The following SUPT5H variants were observed in gnomAD, a reference collection of about 807,000 sequenced individuals.
SUPT5H encodes transcription elongation factor SPT5.
A neutral mutation model predicts 142.5 loss-of-function variants in SUPT5H; 24 were observed. The ratio of observed to expected loss-of-function variants is 0.17; its 90% CI spans 0.12 to 0.24. The LOEUF is 0.24. Among genes scored for constraint, SUPT5H ranks in the 10% least tolerant of loss-of-function variants. The pLI is 1.00. For synonymous variants in SUPT5H, 546 were observed against 553.0 expected (o/e 0.99, Z 0.18); for missense variants, 893 against 1,471.8 (o/e 0.61, Z 6.43).
At chr19:39,465,266 C>T (rs143568622) in intron 11 of SUPT5H, among the ~76,000 whole-genome samples, 9 of 152,280 alleles carry the variant, frequency 5.9e-5, no homozygotes, top group African/African-American at 2.2e-4. Context: ...GATCGGAGGG[C>T]GTGAGGCATG....
intron 10 of SUPT5H, among the ~76,000 whole-genome samples, chr19:39,463,045 A>G (rs1228295389): frequency 1.6e-5 from 2 of 128,646 alleles, no homozygotes; most frequent in African/African-American, 3.0e-5. Flanking sequence ...TTTAGTAGAG[A>G]TGGGGTTTCA....
rs1254471659 is a variant in SUPT5H, at chr19:39,473,254, G to C, written c.2310G>C (p.Met770Ile). 1 of 1,613,732 alleles carries C rather than the reference G, an allele frequency of 6.2e-7. No homozygotes were observed. The highest frequency in any genetic ancestry group is 1.7e-5 in the Admixed American group (1 of 60,020). ...GMTSTYGRTP[M>I]YGSQTPMYGS... ...CCTCGACCTATGGGAGGACGCCCAT[G>C]TATGGCTCCCAGACGCCCATGTATG... Residue 770 changes from methionine to isoleucine, a missense_variant, in exon 24 of 30, where the codon ATG becomes ATC. Physicochemically the swap from Met to Ile is conservative, Grantham distance 10. Coordinates refer to ENST00000432763, the MANE Select transcript of SUPT5H (RefSeq NM_001111020.3). The surrounding 1 kb of genome is among the most constrained non-coding windows in gnomAD (Gnocchi z 5.8).
intron 11 of SUPT5H, among the ~76,000 whole-genome samples, chr19:39,465,814 TGGTGGGATAGGACC>T (rs1204597788): frequency 1.3e-5 from 2 of 152,226 alleles, no homozygotes; most frequent in Non-Finnish European, 2.9e-5. Context: ...ATGGCAGTGC[TGGTGGGATAGGACC>T]AAGACCCTAA....
chr19:39,459,824 C>G, intron 9 of SUPT5H, 68 bp from the exon 10 acceptor site: 1 of 1,547,296 alleles, frequency 6.5e-7, no homozygotes, highest in African/African-American at 1.4e-5. Flanking sequence ...GCTGCTGTCT[C>G]CTTCCCCCTT....
intron 3 of SUPT5H, among the ~76,000 whole-genome samples, chr19:39,455,627 C>CT (rs113696535): frequency 0.18 from 25,383 of 143,222 alleles, 2,319 homozygotes; most frequent in East Asian, 0.37. Flanking sequence ...TTCTTTTCTT[C>CT]TTTTTTTTTT....
chr19:39,461,926 A>G (rs1046044732), intron 10 of SUPT5H, among the ~76,000 whole-genome samples: 1 of 151,562 alleles, frequency 6.6e-6, no homozygotes, highest in Admixed American at 6.6e-5. Flanking sequence ...CATTTGAGTT[A>G]TGTCTCTGAT....
chr19:39,468,762 G>A lies in SUPT5H; in HGVS notation c.1044G>A (p.Leu348=), dbSNP rs140361350. The A allele has an allele frequency of 3.5e-3, 5,590 of 1,613,498 alleles. 55 individuals carry two copies. The highest frequency in any genetic ancestry group is 3.2e-3 in the Non-Finnish European group (3,793 of 1,179,454). Residue 348 remains leucine, a synonymous_variant, in exon 14 of 30, where the codon CTG becomes CTA. Transcript: ENST00000432763. ...RLFDAEKIRS[L]GGDVASDGDF... ...CTCCCCCATCAAATTCCAGGTCCCT[G>A]GGGGGTGATGTTGCCTCTGATGGTG...
Position 39,476,570 on chromosome 19 carries a change from G to T in SUPT5H, c.*171G>T. On this transcript the variant is annotated 3_prime_UTR_variant, in exon 30 of 30. Coordinates refer to ENST00000432763, the MANE Select transcript of SUPT5H (RefSeq NM_001111020.3). ...CCCTCCCTGGTGCTCATTGGAATCT[G>T]AGTAGAGTCTGGGGGAGGGTCCCCA... is the stretch of plus-strand genomic sequence containing the variant. The T allele has an allele frequency of 1.1e-6, 1 of 875,308 alleles. No homozygotes were observed. The highest frequency in any genetic ancestry group is 1.7e-6 in the Non-Finnish European group (1 of 587,890). 54.2% of individuals were successfully genotyped at this position (875,308 alleles called of 1,614,324 possible).
rs775688508 is a variant in SUPT5H at position 39,458,065 on chromosome 19, C to T, written c.308-229C>T. On this transcript the variant is annotated intron_variant, in intron 4 of 29. Coordinates refer to ENST00000432763, the MANE Select transcript of SUPT5H (RefSeq NM_001111020.3). This position sits in a 1 kb window ranked among gnomAD's most constrained non-coding sequence, Gnocchi z 4.2. Reference sequence around the variant, plus strand: ...TCCTGGGCCAGTGCCCCCCTTTCCCCGTTATTTTCCGTTCTGTGCGCCTCA... The same window carrying T: ...TCCTGGGCCAGTGCCCCCCTTTCCCTGTTATTTTCCGTTCTGTGCGCCTCA... 27 of 778,382 alleles carry T rather than the reference C, an allele frequency of 3.5e-5. No homozygotes were observed. The Admixed American group carries it at 3.6e-4, about 10-fold the overall frequency. The allele number at this position is 778,382 out of a possible 1,614,324, so 48.2% of individuals were successfully genotyped here.
At chr19:39,455,955 G>T (rs1340481151) in intron 3 of SUPT5H, among the ~76,000 whole-genome samples, 1 of 131,814 alleles carries the variant, frequency 7.6e-6, no homozygotes, top group Non-Finnish European at 1.6e-5. Context: ...TTTTAAGACG[G>T]AGTTTCTCTT....
At position 39,466,465 on chromosome 19, in the gene SUPT5H, G is replaced by A; in HGVS notation, c.877-15G>A. Reference sequence around the variant, plus strand: ...GAGAGTGGGGCCCTGCTGACCTTCTGCTCGCCCTGCTCAGGTGGACTACGT... The same window carrying A: ...GAGAGTGGGGCCCTGCTGACCTTCTACTCGCCCTGCTCAGGTGGACTACGT... On this transcript the variant is annotated splice_polypyrimidine_tract_variant and intron_variant, in intron 11 of 29. Coordinates refer to ENST00000432763, the MANE Select transcript of SUPT5H (RefSeq NM_001111020.3). The surrounding 1 kb of genome is among the most constrained non-coding windows in gnomAD (Gnocchi z 4.3). 1 of 1,613,072 alleles carries A rather than the reference G, an allele frequency of 6.2e-7. No individual in the cohort carries two copies. Among genetic ancestry groups the A allele is most frequent in the Non-Finnish European group, 8.5e-7 (1 of 1,179,732 alleles).
At position 39,464,982 on chromosome 19, in the gene SUPT5H, T is replaced by G. The variant is rs748263077; in HGVS notation, c.809T>G (p.Val270Gly). 2 of 1,614,154 alleles carry G rather than the reference T, an allele frequency of 1.2e-6. No homozygotes were observed. Among genetic ancestry groups the G allele is most frequent in the South Asian group, 2.2e-5 (2 of 91,074 alleles). ...GACGTGCTCAAAGTGGTGAAGGAGG[T>G]GGCCAACCTGAAACCAAAGTCCTGG... ...MTDVLKVVKE[V>G]ANLKPKSWVR... The change falls in exon 11 of 30, where the codon GTG (valine) becomes GGG (glycine). Residue 270 changes from valine (V) to glycine (G), a missense_variant. Val to Gly is a moderately radical substitution (Grantham distance 109, BLOSUM62 -3). Coordinates refer to ENST00000432763, the MANE Select transcript of SUPT5H (RefSeq NM_001111020.3).
In SUPT5H at chr19:39,472,804, C is replaced by T. The variant is rs1479516807; in HGVS notation, c.2036-6C>T. On this transcript the variant is annotated splice_polypyrimidine_tract_variant and splice_region_variant and intron_variant, in intron 21 of 29. Coordinates refer to ENST00000432763, the MANE Select transcript of SUPT5H (RefSeq NM_001111020.3). This position sits in a 1 kb window ranked among gnomAD's most constrained non-coding sequence, Gnocchi z 4.2. Reference sequence around the variant, plus strand: ...GGGGACCAGTGACATTCTCCCCAATCCCCAGGTCAGCGTGGCGGCTTTGGT... The same window carrying T: ...GGGGACCAGTGACATTCTCCCCAATTCCCAGGTCAGCGTGGCGGCTTTGGT... The T allele has an allele frequency of 1.9e-6, 3 of 1,610,350 alleles. No individual in the cohort carries two copies. Among genetic ancestry groups the T allele is most frequent in the African/African-American group, 2.7e-5 (2 of 74,908 alleles).
chr19:39,476,539 T>A lies in SUPT5H; in HGVS notation c.*140T>A. ...TTTTGTTTTTCCTTTTAGTTTTCCA[T>A]CTTTTCCCTCCCTGGTGCTCATTGG... On this transcript the variant is annotated 3_prime_UTR_variant, in exon 30 of 30. Transcript: ENST00000432763. The A allele has an allele frequency of 1.7e-6, 2 of 1,153,440 alleles. No homozygotes were observed. Among genetic ancestry groups the A allele is most frequent in the East Asian group, 2.6e-5 (1 of 39,086 alleles). 71.5% of individuals were successfully genotyped at this position (1,153,440 alleles called of 1,614,324 possible). A position where few individuals can be genotyped will look rare whatever the true frequency, so the allele number is the denominator to read the frequency against.
At chr19:39,446,089 T>A in intron 2 of SUPT5H, 124 bp downstream of exon 2, 1 of 1,076,904 alleles carries the variant, frequency 9.3e-7, no homozygotes, top group Non-Finnish European at 1.4e-6. Context: ...CCAGATTGTC[T>A]CAAGAGATAG....
rs77047120 is a variant in SUPT5H at position 39,466,927 on chromosome 19, A to G, written c.1037+182A>G. On this transcript the variant is annotated intron_variant, in intron 13 of 29. Transcript: ENST00000432763. The surrounding 1 kb of genome is among the most constrained non-coding windows in gnomAD (Gnocchi z 4.3). ...TGTGCCTCAGTTTCTTCTGCTATAAAGATTGATGAGGCTGGGCGCAGCGGG... is the reference window on the plus strand; with the variant it reads ...TGTGCCTCAGTTTCTTCTGCTATAAGGATTGATGAGGCTGGGCGCAGCGGG... 362 of 624,758 alleles carry G rather than the reference A, an allele frequency of 5.8e-4. 5 individuals carry two copies. The East Asian group carries it at 9.8e-3, about 17-fold the overall frequency. The allele number at this position is 624,758 out of a possible 1,614,324, so 38.7% of individuals were successfully genotyped here.
Position 39,476,423 on chromosome 19 carries a change from G to T in SUPT5H, c.*24G>T, listed in dbSNP as rs532131934. On this transcript the variant is annotated 3_prime_UTR_variant, in exon 30 of 30. Transcript: ENST00000432763. ...GAAGCAGGCAGGGCCGGTGGACTTC[G>T]TCGGATGAAGAGTGATCCTCCTTCC... The T allele has an allele frequency of 1.9e-6, 3 of 1,613,200 alleles. No homozygotes were observed. In the East Asian group the frequency reaches 6.7e-5, roughly 36 times the overall value.
Position 39,472,070 on chromosome 19 carries a change from C to T in SUPT5H, c.1951-339C>T, listed in dbSNP as rs748789337. Reference sequence around the variant, plus strand: ...TCGTACAGCTTGAGGTGATAGCAAGCGCTGTGAAGAAAACAGAATGGGCTC... The same window carrying T: ...TCGTACAGCTTGAGGTGATAGCAAGTGCTGTGAAGAAAACAGAATGGGCTC... On this transcript the variant is annotated intron_variant, in intron 20 of 29. Transcript: ENST00000432763. The surrounding 1 kb of genome is among the most constrained non-coding windows in gnomAD (Gnocchi z 4.2). Among the ~76,000 whole-genome samples, 5 of 152,154 alleles carry T rather than the reference C, an allele frequency of 3.3e-5. No homozygotes were observed. Among genetic ancestry groups the T allele is most frequent in the South Asian group, 2.1e-4 (1 of 4,826 alleles).
At position 39,473,629 on chromosome 19, in the gene SUPT5H, C is replaced by A; in HGVS notation, c.2492+108C>A. ...TGTGGGGCCCACCCAGCATTCTCTG[C>A]TCCTAGCCTCAGGCTGGTCCCTTTG... On this transcript the variant is annotated intron_variant, in intron 25 of 29. Transcript: ENST00000432763. The surrounding 1 kb of genome is among the most constrained non-coding windows in gnomAD (Gnocchi z 5.8). The A allele has an allele frequency of 1.6e-6, 2 of 1,269,818 alleles. No homozygotes were observed. Among genetic ancestry groups the A allele is most frequent in the South Asian group, 1.4e-5 (1 of 71,100 alleles). 78.7% of individuals were successfully genotyped at this position (1,269,818 alleles called of 1,614,324 possible).
Sources: allele counts gnomAD v4.1 joint callset (sites outside exome capture counted in the v4.1 genomes callset), GRCh38; gene constraint gnomAD v4.1.1; non-coding constraint Gnocchi (gnomAD v3.1); transcripts MANE v1.5; gene names NCBI Gene and HGNC (gene_info 2026-07-23, HGNC 2026-07-21).